VIT: variants seen among roughly 807,000 people sequenced by gnomAD.
VIT encodes the protein vitrin.
Under a neutral mutation model 78.0 loss-of-function variants are expected in VIT, and 99 were observed. The ratio of observed to expected loss-of-function variants is 1.27; its 90% confidence interval spans 1.08 to 1.50. The LOEUF is 1.50. Among genes scored for constraint, VIT ranks in the 40% most tolerant of loss-of-function variants. VIT has a pLI of 0.00. For synonymous variants in VIT, 374 were observed against 334.3 expected (o/e 1.12, Z -1.29); for missense variants, 1,126 against 875.3 (o/e 1.29, Z -3.61).
chr2:36,754,958 C>A lies in VIT; in HGVS notation c.313C>A (p.Arg105=), dbSNP rs751810783. 3 of 1,613,956 alleles carry A rather than the reference C, an allele frequency of 1.9e-6. No individual in the cohort carries two copies. In the African/African-American group the frequency reaches 4.0e-5, roughly 22 times the overall value. Residue 105 remains arginine, a synonymous_variant, in exon 5 of 16, where the codon CGG becomes AGG. Transcript: ENST00000379242. The part of the protein sequence containing the change: ...LDNSGGKILV[R]KVAGQSGYKG... ...TAATTCAGGAGGGAAAATACTTGTT[C>A]GGAAGGTTGCTGGACAGTCTGGTTA... is the stretch of plus-strand genomic sequence containing the variant.
rs563659215 is a variant in VIT, at chr2:36,729,393, T to G, written c.53-33T>G. On this transcript the variant is annotated intron_variant, in intron 2 of 15. Transcript: ENST00000379242. ...GAGAAAGAATTTAAGTAAAATAAAA[T>G]TGATTAAATTTTTAAAAATTTTCTT... The G allele has an allele frequency of 1.9e-6, 3 of 1,550,966 alleles. No homozygotes were observed. The African/African-American group carries it at 4.2e-5, about 22-fold the overall frequency.
chr2:36,747,677 A>G (rs905330351), intron 4 of VIT, among the ~76,000 whole-genome samples: 14 of 152,250 alleles, frequency 9.2e-5, no homozygotes, highest in Non-Finnish European at 5.9e-5. Context: ...TGAAGACAGT[A>G]GATGGCTGGG....
At chr2:36,804,322 G>A (rs1666546989) in intron 13 of VIT, among the ~76,000 whole-genome samples, 1 of 152,176 alleles carries the variant, frequency 6.6e-6, no homozygotes, top group African/African-American at 2.4e-5. Flanking sequence ...CCAGACCTGT[G>A]CCCTTGGCCT....
chr2:36,781,547 C>T (rs543480255), intron 9 of VIT, among the ~76,000 whole-genome samples, 180 bp from the exon 10 acceptor site: 1 of 152,278 alleles, frequency 6.6e-6, no homozygotes, highest in African/African-American at 2.4e-5. Flanking sequence ...ACTTTAAGAG[C>T]TTCAGATTTT....
Position 36,805,509 on chromosome 2 carries a change from G to A in VIT, c.1234G>A (p.Val412Met), listed in dbSNP as rs889720985. 3.1e-6 allele frequency: 5 copies of A among 1,613,956 alleles called. No homozygotes were observed. The African/African-American group carries it at 6.7e-5, about 22-fold the overall frequency. The change falls in exon 14 of 16, where the codon GTG becomes ATG. Residue 412 changes from valine (V) to methionine (M), a missense_variant. Val to Met is a conservative substitution (Grantham distance 21, BLOSUM62 1). Transcript: ENST00000379242. ...ANGNRSGAPN[V>M]VVVMVDGWPT... The stretch of plus-strand genomic sequence containing the variant: ...TGGAAACAGAAGCGGGGCTCCCAAT[G>A]TGGTGGTGGTGATGGTGGATGGCTG...
intron 2 of VIT, among the ~76,000 whole-genome samples, chr2:36,727,377 G>T (rs1437320680): frequency 6.6e-6 from 1 of 152,198 alleles, no homozygotes; most frequent in South Asian, 2.1e-4. Flanking sequence ...CAGTTCTCTG[G>T]CTATTTGGAG....
At chr2:36,736,244 C>G (rs1276481396) in intron 3 of VIT, among the ~76,000 whole-genome samples, 3 of 152,044 alleles carry the variant, frequency 2.0e-5, no homozygotes, top group Non-Finnish European at 4.4e-5. Context: ...GATTGAAGGG[C>G]TTAGGTGTGT....
intron 1 of VIT, among the ~76,000 whole-genome samples, chr2:36,702,487 G>A (rs537027200): frequency 6.6e-6 from 1 of 152,124 alleles, no homozygotes; most frequent in East Asian, 1.9e-4. Flanking sequence ...GTAATACTAC[G>A]TGATCCTTAA....
At chr2:36,775,743 C>G (rs1233792580) in intron 9 of VIT, among the ~76,000 whole-genome samples, 1 of 151,912 alleles carries the variant, frequency 6.6e-6, no homozygotes, top group African/African-American at 2.4e-5. Flanking sequence ...CAACTTTGCT[C>G]TGAGTGCCTC....
At chr2:36,791,557 G>A (rs896721809) in intron 12 of VIT, among the ~76,000 whole-genome samples, 4 of 152,220 alleles carry the variant, frequency 2.6e-5, no homozygotes, top group African/African-American at 7.2e-5. Context: ...GTAGCCACAC[G>A]TGTCCTTAGA....
chr2:36,744,393 TCTC>T (rs2148519959), intron 4 of VIT, among the ~76,000 whole-genome samples: 2 of 152,318 alleles, frequency 1.3e-5, no homozygotes, highest in African/African-American at 4.8e-5. Context: ...CTTTGAGAAA[TCTC>T]CAAACTGCTC....
At chr2:36,700,523 C>T (rs1449182815) in intron 1 of VIT, among the ~76,000 whole-genome samples, 5 of 152,058 alleles carry the variant, frequency 3.3e-5, no homozygotes, top group Non-Finnish European at 1.5e-5. Context: ...AGGAGAATTG[C>T]CTGAGGCCAG....
intron 13 of VIT, among the ~76,000 whole-genome samples, chr2:36,804,588 T>C (rs927460151): frequency 2.0e-5 from 3 of 152,150 alleles, no homozygotes; most frequent in Non-Finnish European, 2.9e-5. Context: ...TCCCAGCACT[T>C]TGGGAGGCCG....
intron 9 of VIT, 73 bp downstream of exon 9, chr2:36,775,140 T>TC (rs1462067182): frequency 6.4e-7 from 1 of 1,554,890 alleles, no homozygotes; most frequent in African/African-American, 1.4e-5. Flanking sequence ...CATGAGGACC[T>TC]CCCCACACAC....
chr2:36,773,905 G>T, intron 8 of VIT, 58 bp downstream of exon 8: 1 of 1,521,394 alleles, frequency 6.6e-7, no homozygotes, highest in Non-Finnish European at 8.9e-7. Flanking sequence ...TTTACATGCG[G>T]TTCCTCTCCA....
At chr2:36,746,000 G>C (rs187308046) in intron 4 of VIT, among the ~76,000 whole-genome samples, 2 of 152,092 alleles carry the variant, frequency 1.3e-5, no homozygotes, top group African/African-American at 4.8e-5. Context: ...AGTCAGTTGA[G>C]AGTTTTTATC....
chr2:36,730,517 G>C (rs1251339991), intron 3 of VIT, among the ~76,000 whole-genome samples: 1 of 152,128 alleles, frequency 6.6e-6, no homozygotes, highest in South Asian at 2.1e-4. Flanking sequence ...CAGTAGGAAG[G>C]GATGAAGAAG....
chr2:36,808,786 C>A lies in VIT; in HGVS notation c.1704C>A (p.Ser568Arg). The part of the protein sequence containing the change: ...QRLEFGFDKY[S>R]SKPDILNAIK... ...TGGAGTTTGGGTTCGACAAGTACAG[C>A]AGCAAGCCTGACATCCTCAACGCCA... Residue 568 changes from serine to arginine, a missense_variant, in exon 15 of 16, where the codon AGC (serine) becomes AGA (arginine). Coordinates refer to ENST00000379242, the MANE Select transcript of VIT (RefSeq NM_053276.4). The A allele has an allele frequency of 6.2e-7, 1 of 1,614,108 alleles. No homozygotes were observed. The highest frequency in any genetic ancestry group is 1.1e-5 in the South Asian group (1 of 91,072).
chr2:36,774,994 C>T lies in VIT; in HGVS notation c.737-8C>T, dbSNP rs139632519. 12,657 of 1,614,068 alleles carry T rather than the reference C, an allele frequency of 7.8e-3. 73 individuals carry two copies. The highest frequency in any genetic ancestry group is 8.4e-3 in the Non-Finnish European group (9,948 of 1,179,980). On this transcript the variant is annotated splice_polypyrimidine_tract_variant and splice_region_variant and intron_variant, in intron 8 of 15. Transcript: ENST00000379242. ...TGTAAATCGGCTGACCCTGTGTAAT[C>T]CCCTCAGGTATCCAAAGGCAAGATC...
Sources: gnomAD v4.1 joint callset for allele counts (sites outside exome capture counted in the v4.1 genomes callset) on GRCh38, gnomAD v4.1.1 for gene constraint, MANE v1.5 for transcripts, NCBI Gene and HGNC (gene_info 2026-07-23, HGNC 2026-07-21) for gene names.